The following MSI2 variants were observed in gnomAD, a reference collection of about 807,000 sequenced individuals.
MSI2 encodes musashi RNA binding protein 2.
A neutral mutation model predicts 45.6 loss-of-function variants in MSI2; 17 were observed. The observed-to-expected ratio is 0.37, with a 90% CI of 0.26 to 0.56. MSI2 has a LOEUF of 0.56. Among genes scored for constraint, MSI2 ranks in the 20% least tolerant of loss-of-function variants. The pLI is 0.77. For synonymous variants in MSI2, 156 were observed against 158.2 expected, an observed-to-expected ratio of 0.99 and a Z score of 0.11; for missense variants, 293 against 444.2, an observed-to-expected ratio of 0.66 and a Z score of 3.06.
At chr17:57,586,615 A>G (rs1359385429) in intron 7 of MSI2, among the ~76,000 whole-genome samples, 1 of 152,198 alleles carries the variant, frequency 6.6e-6, no homozygotes, top group Non-Finnish European at 1.5e-5. Context: ...CTGGGAGTAG[A>G]AGCAGGATCT....
intron 7 of MSI2, among the ~76,000 whole-genome samples, chr17:57,578,471 C>T (rs997242189): frequency 8.6e-5 from 13 of 151,776 alleles, no homozygotes; most frequent in African/African-American, 3.1e-4. Flanking sequence ...TGAGAGGTGC[C>T]AGGACTGGGG....
downstream of MSI2, among the ~76,000 whole-genome samples, chr17:57,684,936 C>T (rs963568812): frequency 1.6e-4 from 25 of 151,774 alleles, no homozygotes; most frequent in Admixed American, 1.4e-3. Flanking sequence ...TGTAGATTAA[C>T]AGCAGAAGGT....
intron 7 of MSI2, among the ~76,000 whole-genome samples, chr17:57,545,516 C>T (rs2087145212): frequency 6.6e-6 from 1 of 151,668 alleles, no homozygotes; most frequent in African/African-American, 2.4e-5. Context: ...GCCGACTGCC[C>T]AAAGATGGAA....
At chr17:57,430,890 T>A (rs2084582216) in intron 6 of MSI2, among the ~76,000 whole-genome samples, 1 of 152,240 alleles carries the variant, frequency 6.6e-6, no homozygotes, top group Admixed American at 6.5e-5. Context: ...TCACTGTTTA[T>A]AGAATCTGCA....
intron 5 of MSI2, among the ~76,000 whole-genome samples, chr17:57,335,408 A>G (rs1397259820): frequency 2.0e-5 from 3 of 152,220 alleles, no homozygotes; most frequent in African/African-American, 7.2e-5. Flanking sequence ...ATTTTCACAA[A>G]TAAAGTTTTA....
At chr17:57,276,385 T>C (rs1908848905) in intron 5 of MSI2, among the ~76,000 whole-genome samples, 1 of 152,256 alleles carries the variant, frequency 6.6e-6, no homozygotes, top group Admixed American at 6.5e-5. Flanking sequence ...TTTCTGAGCA[T>C]GACTCTGATT....
At chr17:57,318,529 G>A (rs915542540) in intron 5 of MSI2, among the ~76,000 whole-genome samples, 5 of 152,098 alleles carry the variant, frequency 3.3e-5, no homozygotes, top group African/African-American at 7.2e-5. Flanking sequence ...GGAATGGGCC[G>A]GAGAAATTGT....
At chr17:57,557,500 C>T (rs2087464489) in intron 7 of MSI2, among the ~76,000 whole-genome samples, 1 of 152,244 alleles carries the variant, frequency 6.6e-6, no homozygotes, top group Non-Finnish European at 1.5e-5. Context: ...GCTCACTTCT[C>T]AGTTACTTTC....
chr17:57,565,335 C>G (rs549410051), intron 7 of MSI2, among the ~76,000 whole-genome samples: 27 of 152,344 alleles, frequency 1.8e-4, no homozygotes, highest in African/African-American at 5.8e-4. Flanking sequence ...CACGCTGTAC[C>G]ATTCCCTGAT....
At chr17:57,538,278 G>A (rs752655056) in intron 7 of MSI2, among the ~76,000 whole-genome samples, 6 of 152,150 alleles carry the variant, frequency 3.9e-5, no homozygotes, top group Non-Finnish European at 7.4e-5. Flanking sequence ...CTGCCTCCCC[G>A]TTGGGACTTA....
intron 6 of MSI2, among the ~76,000 whole-genome samples, chr17:57,501,808 G>A (rs933072287): frequency 6.6e-6 from 1 of 152,204 alleles, no homozygotes; most frequent in Non-Finnish European, 1.5e-5. Context: ...GTCATTACAT[G>A]TCTTGGGTTT....
intron 6 of MSI2, among the ~76,000 whole-genome samples, chr17:57,466,241 C>T (rs2085328149): frequency 6.6e-6 from 1 of 152,162 alleles, no homozygotes; most frequent in African/African-American, 2.4e-5. Context: ...TCCCCACTGG[C>T]CTTTAAAAGG....
At position 57,435,792 on chromosome 17, in the gene MSI2, G is replaced by A. The variant is rs115541168; in HGVS notation, c.405+34321G>A. Among the ~76,000 whole-genome samples the A allele has an allele frequency of 7.0e-3, 1,061 of 152,336 alleles. 11 individuals carry two copies. The highest frequency in any genetic ancestry group is 0.024 in the African/African-American group (1,012 of 41,570). On this transcript the variant is annotated intron_variant, in intron 6 of 13. Transcript: ENST00000284073. ...TTCATTGCCCTTCCAATGGGACTGA[G>A]TGATGGATTCATGTTTTATGTGAAA...
intron 6 of MSI2, among the ~76,000 whole-genome samples, chr17:57,485,353 A>G (rs1032365211): frequency 6.6e-6 from 1 of 152,190 alleles, no homozygotes; most frequent in Non-Finnish European, 1.5e-5. Context: ...TTATTTCTAA[A>G]GATCGCCTGG....
At chr17:57,664,858 G>C (rs1411709032) in intron 11 of MSI2, among the ~76,000 whole-genome samples, 1 of 152,172 alleles carries the variant, frequency 6.6e-6, no homozygotes, top group Non-Finnish European at 1.5e-5. Flanking sequence ...CTTTGCTGCT[G>C]TTCCTAATAG....
intron 7 of MSI2, among the ~76,000 whole-genome samples, chr17:57,538,183 A>G (rs187871342): frequency 1.9e-3 from 291 of 152,252 alleles, no homozygotes; most frequent in African/African-American, 5.2e-3. Context: ...TGGCAGCTTG[A>G]TTAAAAGCAC....
intron 7 of MSI2, among the ~76,000 whole-genome samples, chr17:57,582,418 TTAA>T (rs1170712872): frequency 6.6e-6 from 1 of 152,150 alleles, no homozygotes; most frequent in Non-Finnish European, 1.5e-5. Context: ...ATTTTATTTA[TTAA>T]TAATTAAAGT....
chr17:57,451,736 C>T (rs1031860727), intron 6 of MSI2, among the ~76,000 whole-genome samples: 28 of 152,198 alleles, frequency 1.8e-4, no homozygotes, highest in African/African-American at 6.3e-4. Flanking sequence ...AGCCACACTG[C>T]GATTCAGGAA....
At chr17:57,342,656 G>T (rs963943717) in intron 5 of MSI2, among the ~76,000 whole-genome samples, 14 of 152,254 alleles carry the variant, frequency 9.2e-5, no homozygotes, top group Admixed American at 8.5e-4. Context: ...GAGTTAACTG[G>T]CATCTGATGG....
Sources: allele counts gnomAD v4.1 joint callset (sites outside exome capture counted in the v4.1 genomes callset), GRCh38; gene constraint gnomAD v4.1.1; transcripts MANE v1.5; gene names NCBI Gene and HGNC (gene_info 2026-07-23, HGNC 2026-07-21).